FBN3: variants seen among roughly 807,000 people sequenced by gnomAD.
FBN3 encodes the protein fibrillin 3.
Under a neutral mutation model 330.1 loss-of-function variants are expected in FBN3, and 234 were observed. That is an observed-to-expected ratio of 0.71 (90% CI 0.64 to 0.79). FBN3 has a LOEUF of 0.79. FBN3 is among the 30% of genes least tolerant of loss of function. The pLI, the probability that FBN3 is intolerant of heterozygous loss-of-function variation, is 0.00. For synonymous variants in FBN3, 1,458 were observed against 1,517.3 expected (o/e 0.96, Z 0.91); for missense variants, 3,606 against 3,886.9 (o/e 0.93, Z 1.92).
Position 8,075,393 on chromosome 19 carries a change from G to C in FBN3, c.7472C>G (p.Ala2491Gly), listed in dbSNP as rs147665635. 21 of 1,613,962 alleles carry C rather than the reference G, an allele frequency of 1.3e-5. No individual in the cohort carries two copies. In the African/African-American group the frequency reaches 2.7e-4, roughly 20 times the overall value. Residue 2491 changes from alanine to glycine, a missense_variant, in exon 60 of 64, where the codon GCC becomes GGC. Coordinates refer to ENST00000600128, the MANE Select transcript of FBN3 (RefSeq NM_032447.5). ...GTGGGCACCACATGGGCCAGGCTGGGCTGAGCACTCATCATTGTCTGCAGA... is the reference window on the plus strand; with the variant it reads ...GTGGGCACCACATGGGCCAGGCTGGCCTGAGCACTCATCATTGTCTGCAGA... ...QACFDNDECSAQPGPCGAHGH... is the reference protein window; with the variant it reads ...QACFDNDECSGQPGPCGAHGH...
At chr19:8,081,316 G>A (rs778382435) in intron 58 of FBN3, 42 bp downstream of exon 58, 1 of 1,570,836 alleles carries the variant, frequency 6.4e-7, no homozygotes, top group Non-Finnish European at 8.6e-7. Context: ...GCCCTAGACT[G>A]CATGCAGTGG....
chr19:8,128,910 T>A (rs1468638696), intron 18 of FBN3, 118 bp downstream of exon 18: 7 of 1,230,962 alleles, frequency 5.7e-6, no homozygotes, highest in Non-Finnish European at 7.9e-6. Flanking sequence ...CGTGTGTGAA[T>A]AGAGGTAACA....
chr19:8,076,660 T>TAC (rs1402811184), intron 59 of FBN3, among the ~76,000 whole-genome samples: 1 of 152,124 alleles, frequency 6.6e-6, no homozygotes, highest in Non-Finnish European at 1.5e-5. Context: ...TATGTATACA[T>TAC]ACACATATAT....
intron 63 of FBN3, among the ~76,000 whole-genome samples, chr19:8,068,472 G>A (rs1479496968): frequency 1.3e-4 from 19 of 151,792 alleles, no homozygotes; most frequent in Admixed American, 1.2e-3. Context: ...TGAAGTGGGT[G>A]GATCACTTGA....
At chr19:8,087,420 G>C (rs959519858) in intron 53 of FBN3, among the ~76,000 whole-genome samples, 2 of 152,100 alleles carry the variant, frequency 1.3e-5, no homozygotes, top group Admixed American at 1.3e-4. Context: ...GTCCCCCAAA[G>C]CTTGCATCCC....
rs764310711 is a variant in FBN3, at chr19:8,115,500, TGACCGCC to T, written c.3838+8_3838+14del. 6.2e-7 allele frequency: 1 copy of T among 1,613,166 alleles called. No homozygotes were observed. The highest frequency in any genetic ancestry group is 2.2e-5 in the East Asian group (1 of 44,854). ...GGGGAGTCCCCTCTGCCTGCACCGC[TGACCGCC>T]GGCTCACCAGAGCAGCCTGTGGCCC... On this transcript the variant is annotated splice_region_variant and intron_variant, in intron 30 of 63. Coordinates refer to ENST00000600128, the MANE Select transcript of FBN3 (RefSeq NM_032447.5).
At chr19:8,114,202 C>T (rs1458758080) in intron 30 of FBN3, among the ~76,000 whole-genome samples, 2 of 151,864 alleles carry the variant, frequency 1.3e-5, no homozygotes, top group African/African-American at 2.4e-5. Flanking sequence ...AGACTTCTGG[C>T]TTCCAGAACT....
chr19:8,119,702 CA>C (rs1226657917), intron 25 of FBN3, among the ~76,000 whole-genome samples: 2 of 151,396 alleles, frequency 1.3e-5, no homozygotes, highest in African/African-American at 4.9e-5. Context: ...TTAGTAGAGA[CA>C]GCGTTTCACC....
At chr19:8,081,888 A>T (rs1403477423) in intron 57 of FBN3, among the ~76,000 whole-genome samples, 2 of 152,120 alleles carry the variant, frequency 1.3e-5, no homozygotes, top group East Asian at 3.9e-4. Flanking sequence ...AAGAAATAAC[A>T]GCAGGAAAGT....
At chr19:8,135,936 G>GGGGGGGGGGGGGCGCCCCCCCC in intron 13 of FBN3, 25 bp downstream of exon 13, 1 of 668,776 alleles carries the variant, frequency 1.5e-6, no homozygotes, top group Non-Finnish European at 2.4e-6. Context: ...GGAAGCCCCT[G>GGGGGGGGGGGGGCGCCCCCCCC]CCCACCCGCC....
intron 38 of FBN3, among the ~76,000 whole-genome samples, chr19:8,105,266 T>C (rs1268176636): frequency 2.0e-5 from 3 of 151,556 alleles, no homozygotes; most frequent in Non-Finnish European, 4.4e-5. Flanking sequence ...TTTTTCTTTT[T>C]TTTTTTTTTA....
intron 34 of FBN3, 87 bp downstream of exon 34, chr19:8,110,758 G>C: frequency 1.3e-6 from 2 of 1,550,322 alleles, no homozygotes; most frequent in Non-Finnish European, 1.8e-6. Context: ...CTTGAAAAGA[G>C]ATCTGAGGGC....
chr19:8,083,514 A>C, intron 56 of FBN3, 142 bp from the exon 57 acceptor site: 1 of 946,690 alleles, frequency 1.1e-6, no homozygotes, highest in South Asian at 1.5e-5. Flanking sequence ...ACCCCAGCCC[A>C]CGTGGACCCC....
intron 30 of FBN3, 150 bp from the exon 31 acceptor site, chr19:8,112,249 C>T: frequency 7.9e-6 from 6 of 758,928 alleles, no homozygotes; most frequent in Non-Finnish European, 1.2e-5. Flanking sequence ...TCCATCTTTA[C>T]CCAGAGCCCA....
chr19:8,089,457 T>G lies in FBN3; in HGVS notation c.6376+88A>C, dbSNP rs548607203. 3.8e-5 allele frequency: 56 copies of G among 1,485,738 alleles called. No individual in the cohort carries two copies. In the African/African-American group the frequency reaches 7.5e-4, roughly 20 times the overall value. The allele number at this position is 1,485,738 out of a possible 1,614,324, so 92.0% of individuals were successfully genotyped here. Reference sequence around the variant, plus strand: ...TGGTTAAGGACAGGATCTCACCCACTGCCTGGGGGTGTCTTCCCTGCCCTG... The same window carrying G: ...TGGTTAAGGACAGGATCTCACCCACGGCCTGGGGGTGTCTTCCCTGCCCTG... On this transcript the variant is annotated intron_variant, in intron 51 of 63. Coordinates refer to ENST00000600128, the MANE Select transcript of FBN3 (RefSeq NM_032447.5).
chr19:8,147,487 TC>T lies in FBN3; in HGVS notation c.-8del. On this transcript the variant is annotated 5_prime_UTR_variant, in exon 2 of 64. Transcript: ENST00000600128. ...ACAGACCCTCCAGAGTCATGGCGTGTCCCCTGGAGGCTGCGGAGAGGAAGCA... is the reference window on the plus strand; with the variant it reads ...ACAGACCCTCCAGAGTCATGGCGTGTCCCTGGAGGCTGCGGAGAGGAAGCA... 1.4e-6 allele frequency: 2 copies of T among 1,463,586 alleles called. No individual in the cohort carries two copies. The highest frequency in any genetic ancestry group is 1.8e-6 in the Non-Finnish European group (2 of 1,106,188). The allele number at this position is 1,463,586 out of a possible 1,614,324, so 90.7% of individuals were successfully genotyped here. A position where few individuals can be genotyped will look rare whatever the true frequency, so the allele number is the denominator to read the frequency against.
chr19:8,100,627 T>G (rs555397996), intron 41 of FBN3, among the ~76,000 whole-genome samples: 1 of 152,290 alleles, frequency 6.6e-6, no homozygotes, highest in Admixed American at 6.5e-5. Flanking sequence ...CATGAGCCAC[T>G]GTGCATGGCT....
At position 8,096,429 on chromosome 19, in the gene FBN3, A is replaced by T. The variant is rs771038413; in HGVS notation, c.5539+15T>A. 6 of 1,608,240 alleles carry T rather than the reference A, an allele frequency of 3.7e-6. No homozygotes were observed. The highest frequency in any genetic ancestry group is 1.6e-4 in the Middle Eastern group (1 of 6,064). The stretch of plus-strand genomic sequence containing the variant: ...CAGCCTGGCTTGAAAAGGAGGGGGA[A>T]GATAAGGGTCTCACCCATGCACAGG... On this transcript the variant is annotated intron_variant, in intron 44 of 63. Transcript: ENST00000600128. This position sits in a 1 kb window ranked among gnomAD's most constrained non-coding sequence, Gnocchi z 4.6.
chr19:8,102,695 T>C, intron 40 of FBN3, 29 bp downstream of exon 40: 3 of 1,601,480 alleles, frequency 1.9e-6, no homozygotes, highest in Non-Finnish European at 2.6e-6. Context: ...GGGGCCAGGC[T>C]GGGAAGAAGG....
Sources: gnomAD v4.1 joint callset for allele counts (sites outside exome capture counted in the v4.1 genomes callset) on GRCh38, gnomAD v4.1.1 for gene constraint, Gnocchi (gnomAD v3.1) non-coding constraint, MANE v1.5 for transcripts, NCBI Gene and HGNC (gene_info 2026-07-23, HGNC 2026-07-21) for gene names.